CDR2: variants seen among roughly 807,000 people sequenced by gnomAD.
The protein encoded by CDR2 is cerebellar degeneration-related protein 2.
A neutral mutation model predicts 48.4 loss-of-function variants in CDR2; 34 were observed. The observed-to-expected ratio is 0.70, with a 90% CI of 0.53 to 0.94. The LOEUF is 0.94. Among genes scored for constraint, CDR2 ranks in the 40% least tolerant of loss-of-function variants. The pLI, the probability that CDR2 is intolerant of heterozygous loss-of-function variation, is 0.00. For synonymous variants in CDR2, 240 were observed against 219.7 expected (o/e 1.09, Z -0.82); for missense variants, 498 against 549.5 (o/e 0.91, Z 0.94).
chr16:22,350,606 GTTTAT>G (rs1342088926), intron 2 of CDR2, among the ~76,000 whole-genome samples: 5 of 152,108 alleles, frequency 3.3e-5, no homozygotes, highest in Admixed American at 6.6e-5. Flanking sequence ...AATACCATAT[GTTTAT>G]TTTAAGAAAA....
At position 22,347,456 on chromosome 16, in the gene CDR2, C is replaced by T; in HGVS notation, c.874G>A (p.Glu292Lys). The T allele has an allele frequency of 6.2e-7, 1 of 1,614,034 alleles. No homozygotes were observed. Among genetic ancestry groups the T allele is most frequent in the Non-Finnish European group, 8.5e-7 (1 of 1,179,966 alleles). Residue 292 changes from glutamate to lysine, a missense_variant, in exon 5 of 5, where the codon GAA (glutamate) becomes AAA (lysine). Physicochemically the swap from Glu to Lys is moderately conservative, Grantham distance 56 (BLOSUM62 1). Transcript: ENST00000268383. ...PFKEPSQSLLEEMFLTVPESH... is the reference protein window; with the variant it reads ...PFKEPSQSLLKEMFLTVPESH... ...TCCGGCACAGTCAGGAACATCTCTT[C>T]CAGCAGGCTCTGGCTGGGCTCTTTG... is the stretch of plus-strand genomic sequence containing the variant.
intron 2 of CDR2, among the ~76,000 whole-genome samples, chr16:22,355,807 T>C (rs751656149): frequency 1.2e-4 from 19 of 152,096 alleles, no homozygotes; most frequent in Non-Finnish European, 2.5e-4. Context: ...CCTCAGCCCC[T>C]GTCTATAAAA....
intron 2 of CDR2, among the ~76,000 whole-genome samples, chr16:22,350,603 T>C (rs1296244813): frequency 1.3e-5 from 2 of 152,152 alleles, no homozygotes; most frequent in Non-Finnish European, 2.9e-5. Context: ...CACAATACCA[T>C]ATGTTTATTT....
intron 2 of CDR2, among the ~76,000 whole-genome samples, chr16:22,351,524 G>GA (rs912112833): frequency 1.9e-4 from 28 of 149,772 alleles, no homozygotes; most frequent in Middle Eastern, 6.8e-3. Context: ...TCTTAATTTG[G>GA]AAAAAAAAAT....
intron 2 of CDR2, among the ~76,000 whole-genome samples, chr16:22,353,014 G>A (rs1375268086): frequency 1.3e-5 from 2 of 152,106 alleles, no homozygotes; most frequent in Non-Finnish European, 2.9e-5. Flanking sequence ...AGATTCCACA[G>A]GAGCGGAAAA....
chr16:22,359,063 G>A (rs2141848310), intron 2 of CDR2, among the ~76,000 whole-genome samples: 1 of 152,160 alleles, frequency 6.6e-6, no homozygotes, highest in African/African-American at 2.4e-5. Flanking sequence ...AACGTCACAG[G>A]CGCCCCAGAT....
intron 2 of CDR2, among the ~76,000 whole-genome samples, chr16:22,363,951 T>C (rs1024018156): frequency 6.6e-6 from 1 of 152,164 alleles, no homozygotes; most frequent in Non-Finnish European, 1.5e-5. Flanking sequence ...TATTATTTTT[T>C]TATTGAGACA....
Position 22,347,236 on chromosome 16 carries a change from T to C in CDR2, c.1094A>G (p.Lys365Arg), listed in dbSNP as rs375939973. Residue 365 changes from lysine to arginine, a missense_variant, in exon 5 of 5, where the codon AAG becomes AGG. By Grantham distance (26) the Lys-to-Arg change is conservative. Transcript: ENST00000268383. ...GGAGTCCTGTTCCTCTTGGCACTTC[T>C]TCAGCAACTCTTCATACTTCACCTT... ...ALKVKYEELL[K>R]KCQEEQDSLS... The C allele has an allele frequency of 5.6e-6, 9 of 1,614,092 alleles. No homozygotes were observed. The African/African-American group carries it at 9.3e-5, about 17-fold the overall frequency.
intron 2 of CDR2, among the ~76,000 whole-genome samples, chr16:22,357,200 C>T (rs2048980631): frequency 1.3e-5 from 2 of 152,040 alleles, no homozygotes; most frequent in Admixed American, 6.6e-5. Context: ...AGGCTTGCAC[C>T]ACCACACCAG....
intron 2 of CDR2, among the ~76,000 whole-genome samples, chr16:22,351,652 TGA>T (rs2048943051): frequency 6.6e-6 from 1 of 152,258 alleles, no homozygotes; most frequent in Non-Finnish European, 1.5e-5. Context: ...TTTAATTTTA[TGA>T]GAGTTTTATC....
At chr16:22,365,968 G>A (rs1210727305) in intron 1 of CDR2, among the ~76,000 whole-genome samples, 1 of 152,164 alleles carries the variant, frequency 6.6e-6, no homozygotes, top group Non-Finnish European at 1.5e-5. Flanking sequence ...TGTTTAGAGA[G>A]ATGACTGTCT....
rs2048967883 is a variant in CDR2, at chr16:22,355,299, C to T, written c.193-5450G>A. 2.6e-5 allele frequency among the ~76,000 whole-genome samples: 4 copies of T among 152,010 alleles called. No homozygotes were observed. In the South Asian group the frequency reaches 8.3e-4, roughly 32 times the overall value. On this transcript the variant is annotated intron_variant, in intron 2 of 4. Coordinates refer to ENST00000268383, the MANE Select transcript of CDR2 (RefSeq NM_001802.2). Reference sequence around the variant, plus strand: ...TATCTTTGCCTTTTTTGGAGTTGCCCCACTGCAAGGCAAGTGCCTCCCTCC... The same window carrying T: ...TATCTTTGCCTTTTTTGGAGTTGCCTCACTGCAAGGCAAGTGCCTCCCTCC...
chr16:22,347,810 C>G lies in CDR2; in HGVS notation c.520G>C (p.Asp174His). The G allele has an allele frequency of 6.2e-7, 1 of 1,612,422 alleles. No individual in the cohort carries two copies. Among genetic ancestry groups the G allele is most frequent in the Non-Finnish European group, 8.5e-7 (1 of 1,179,398 alleles). Residue 174 changes from aspartate to histidine, a missense_variant, in exon 5 of 5, where the codon GAT (aspartate) becomes CAT (histidine). By Grantham distance (81) the Asp-to-His change is moderately conservative. Coordinates refer to ENST00000268383, the MANE Select transcript of CDR2 (RefSeq NM_001802.2). Reference protein sequence around the residue: ...LYDLRQHFVYDHVFAEKITSL... With the variant: ...LYDLRQHFVYHHVFAEKITSL... The stretch of plus-strand genomic sequence containing the variant: ...GTGATCTTCTCAGCGAACACATGAT[C>G]ATACACGAAGTGTCTAGGGAAAAAA...
chr16:22,358,263 G>A (rs2048989262), intron 2 of CDR2, among the ~76,000 whole-genome samples: 1 of 152,082 alleles, frequency 6.6e-6, no homozygotes, highest in Non-Finnish European at 1.5e-5. Context: ...GAATCTGACT[G>A]CCATAGTAAA....
chr16:22,373,862 G>C (rs1413785673), intron 1 of CDR2, among the ~76,000 whole-genome samples: 2 of 152,260 alleles, frequency 1.3e-5, no homozygotes, highest in Non-Finnish European at 2.9e-5. Flanking sequence ...AGCCTGCGAC[G>C]GGGCGGCTTC....
At chr16:22,362,641 A>T in intron 2 of CDR2, among the ~76,000 whole-genome samples, 1 of 152,274 alleles carries the variant, frequency 6.6e-6, no homozygotes, top group East Asian at 1.9e-4. Context: ...AAATACAAAC[A>T]GTGATGATCG....
chr16:22,368,327 A>C (rs1261241707), intron 1 of CDR2, among the ~76,000 whole-genome samples: 1 of 152,110 alleles, frequency 6.6e-6, no homozygotes, highest in Non-Finnish European at 1.5e-5. Context: ...CTCCTGCCTC[A>C]GCCTCCTGAG....
intron 2 of CDR2, among the ~76,000 whole-genome samples, chr16:22,352,036 C>T (rs1346482339): frequency 6.6e-6 from 1 of 152,164 alleles, no homozygotes; most frequent in Non-Finnish European, 1.5e-5. Context: ...TTGCTTAAGG[C>T]AGGCCAGGAG....
chr16:22,357,096 C>T (rs1306042111), intron 2 of CDR2, among the ~76,000 whole-genome samples: 1 of 152,070 alleles, frequency 6.6e-6, no homozygotes, highest in African/African-American at 2.4e-5. Flanking sequence ...CACTCTGTTG[C>T]CCAGGCTGGA....
Sources: allele counts gnomAD v4.1 joint callset (sites outside exome capture counted in the v4.1 genomes callset), GRCh38; gene constraint gnomAD v4.1.1; transcripts MANE v1.5; gene names NCBI Gene and HGNC (gene_info 2026-07-23, HGNC 2026-07-21).